ATRX: variants seen among roughly 807,000 people sequenced by gnomAD.
ATRX encodes ATRX chromatin remodeler, also known as chromatin remodeler ATRX.
Under a neutral mutation model 172.6 loss-of-function variants are expected in ATRX, and 12 were observed. The observed-to-expected ratio is 0.07, with a 90% confidence interval of 0.04 to 0.11. The LOEUF is 0.11. Among genes scored for constraint, ATRX ranks in the 10% least tolerant of loss-of-function variants. ATRX has a pLI of 1.00. For missense variants in ATRX, 1,368 were observed against 1,767.4 expected, an observed-to-expected ratio of 0.77 and a Z score of 4.05; for synonymous variants, 674 against 594.7, an observed-to-expected ratio of 1.13 and a Z score of -1.94.
At chrX:77,767,604 A>G (rs2076017794) in intron 1 of ATRX, among the ~76,000 whole-genome samples, 1 of 110,789 alleles carries the variant, frequency 9.0e-6, no homozygotes, top group Non-Finnish European at 1.9e-5. Flanking sequence ...CACGTTGGCC[A>G]GGCTGGTCTT....
chrX:77,610,768 A>G (rs904683036), intron 22 of ATRX, among the ~76,000 whole-genome samples: 4 of 109,131 alleles, frequency 3.7e-5, no homozygotes, highest in Non-Finnish European at 1.9e-5. Flanking sequence ...ATAATATTTA[A>G]TGTATCTTCC....
At chrX:77,761,389 T>G (rs1278206444) in intron 1 of ATRX, among the ~76,000 whole-genome samples, 1 of 110,019 alleles carries the variant, frequency 9.1e-6, no homozygotes, top group Non-Finnish European at 1.9e-5. Context: ...CTATAAAAAT[T>G]AGCCAGGCAT....
At chrX:77,657,070 G>A (rs902327653) in intron 12 of ATRX, among the ~76,000 whole-genome samples, 1 of 111,433 alleles carries the variant, frequency 9.0e-6, no homozygotes, top group Non-Finnish European at 1.9e-5. Context: ...CGAAGAACTC[G>A]GAAAGGGAAA....
chrX:77,716,290 C>T (rs1217249718), intron 2 of ATRX, among the ~76,000 whole-genome samples: 1 of 59,531 alleles, frequency 1.7e-5, no homozygotes, highest in African/African-American at 7.0e-5. Context: ...CAAAGCAAGA[C>T]CTCGTCTCTT....
chrX:77,570,561 A>G (rs1244937637), intron 28 of ATRX, among the ~76,000 whole-genome samples: 2 of 111,619 alleles, frequency 1.8e-5, no homozygotes, highest in Non-Finnish European at 3.8e-5. Context: ...ACTCAATACA[A>G]CATGGACTTA....
intron 30 of ATRX, among the ~76,000 whole-genome samples, chrX:77,551,119 A>G (rs1410599067): frequency 5.4e-5 from 6 of 111,838 alleles, no homozygotes; most frequent in African/African-American, 1.6e-4. Context: ...AAACTACTTT[A>G]AAGTTCATAT....
intron 25 of ATRX, among the ~76,000 whole-genome samples, chrX:77,598,437 T>C (rs891287884): frequency 2.7e-5 from 3 of 111,486 alleles, no homozygotes; most frequent in Non-Finnish European, 3.8e-5. Context: ...AATATAAAAG[T>C]TGAAATTATA....
chrX:77,741,758 A>G (rs1557182304), intron 1 of ATRX, among the ~76,000 whole-genome samples: 1 of 111,866 alleles, frequency 8.9e-6, no homozygotes, highest in Non-Finnish European at 1.9e-5. Context: ...CACCACATCC[A>G]GCCGATAGTG....
chrX:77,747,241 C>T (rs1318285094), intron 1 of ATRX, among the ~76,000 whole-genome samples: 1 of 111,470 alleles, frequency 9.0e-6, no homozygotes, highest in Non-Finnish European at 1.9e-5. Context: ...AACACAAAAT[C>T]AGCCAGACGC....
At chrX:77,776,847 G>A (rs2076367409) in intron 1 of ATRX, among the ~76,000 whole-genome samples, 1 of 111,479 alleles carries the variant, frequency 9.0e-6, no homozygotes, top group Admixed American at 9.6e-5. Flanking sequence ...AGACGTGTGT[G>A]CATCTATATG....
intron 1 of ATRX, among the ~76,000 whole-genome samples, chrX:77,735,861 G>A (rs782044931): frequency 4.7e-5 from 5 of 106,534 alleles, no homozygotes; most frequent in African/African-American, 1.7e-4. Flanking sequence ...AAAATCAGAC[G>A]GGCATGGTGG....
intron 1 of ATRX, among the ~76,000 whole-genome samples, chrX:77,744,497 A>G (rs1452274240): frequency 8.9e-6 from 1 of 112,058 alleles, no homozygotes; most frequent in Non-Finnish European, 1.9e-5. Flanking sequence ...AACCAAGGTA[A>G]TATGACACTG....
At chrX:77,757,579 C>T (rs1183257717) in intron 1 of ATRX, among the ~76,000 whole-genome samples, 2 of 111,681 alleles carry the variant, frequency 1.8e-5, no homozygotes, top group East Asian at 2.8e-4. Context: ...ACTCCTCTAA[C>T]GCTGGAAAAA....
chrX:77,671,958 G>C (rs1237480818), intron 10 of ATRX, among the ~76,000 whole-genome samples: 5 of 110,463 alleles, frequency 4.5e-5, no homozygotes, highest in African/African-American at 1.6e-4. Context: ...AAGAAAGCCA[G>C]TAACAACTAC....
chrX:77,759,063 T>C (rs782784308), intron 1 of ATRX, among the ~76,000 whole-genome samples: 3 of 112,012 alleles, frequency 2.7e-5, no homozygotes, highest in South Asian at 3.7e-4. Flanking sequence ...CAATAAAAAA[T>C]AGGCAATGTG....
intron 11 of ATRX, 52 bp from the exon 12 acceptor site, chrX:77,663,610 C>T (rs1557124267): frequency 2.8e-6 from 3 of 1,069,864 alleles, no homozygotes; most frequent in African/African-American, 3.7e-5. Context: ...TAAAATGCCT[C>T]GTATATCTAT....
At position 77,720,231 on chromosome X, in the gene ATRX, A is replaced by G. The variant is rs782704132; in HGVS notation, c.21-2988T>C. 3.6e-5 allele frequency among the ~76,000 whole-genome samples: 4 copies of G among 112,150 alleles called. No homozygotes were observed. The Admixed American group carries it at 3.8e-4, about 11-fold the overall frequency. On this transcript the variant is annotated intron_variant, in intron 1 of 34. Coordinates refer to ENST00000373344, the MANE Select transcript of ATRX (RefSeq NM_000489.6). ...AAATGCCCACAAGAGAAAGCAGGAA[A>G]TATCTAAAGTCAACACCCTAACATC...
At chrX:77,780,933 T>C (rs782385659) in intron 1 of ATRX, among the ~76,000 whole-genome samples, 1 of 110,021 alleles carries the variant, frequency 9.1e-6, no homozygotes, top group East Asian at 2.9e-4. Flanking sequence ...AGTGAGACCT[T>C]GTCCCAAAAA....
chrX:77,607,708 CAAAAAAAAAAA>C (rs35946932), intron 22 of ATRX, among the ~76,000 whole-genome samples: 1 of 41,161 alleles, frequency 2.4e-5, no homozygotes, highest in African/African-American at 9.5e-5. Context: ...GACTCTGTCT[CAAAAAAAAAAA>C]AAAAAAAAAA....
Sources: allele counts gnomAD v4.1 joint callset (sites outside exome capture counted in the v4.1 genomes callset), GRCh38; gene constraint gnomAD v4.1.1; transcripts MANE v1.5; gene names NCBI Gene and HGNC (gene_info 2026-07-23, HGNC 2026-07-21).